The following TSNARE1 variants were observed in gnomAD, a reference collection of about 807,000 sequenced individuals.
TSNARE1 encodes the protein t-SNARE domain containing 1.
A neutral mutation model predicts 62.0 loss-of-function variants in TSNARE1; 49 were observed. That is an observed-to-expected ratio of 0.79 (90% CI 0.63 to 1.00). The LOEUF is 1.00. TSNARE1 is among the 50% of genes least tolerant of loss of function. The pLI is 0.00. For synonymous variants in TSNARE1, 328 were observed against 294.4 expected (o/e 1.11, Z -1.17); for missense variants, 755 against 700.1 (o/e 1.08, Z -0.88).
At chr8:142,360,627 GC>G (rs1186467332) in intron 1 of TSNARE1, among the ~76,000 whole-genome samples, 2 of 151,746 alleles carry the variant, frequency 1.3e-5, no homozygotes, top group African/African-American at 2.4e-5. Flanking sequence ...CAGGGCCCCC[GC>G]CCCCCACCAG....
intron 10 of TSNARE1, among the ~76,000 whole-genome samples, chr8:142,294,906 T>A (rs1016892079): frequency 1.3e-5 from 2 of 152,088 alleles, no homozygotes; most frequent in South Asian, 2.1e-4. Flanking sequence ...TTCTCCCCCA[T>A]CCAGACAGAG....
intron 6 of TSNARE1, among the ~76,000 whole-genome samples, chr8:142,324,792 C>T (rs1387667906): frequency 3.9e-5 from 6 of 152,234 alleles, no homozygotes; most frequent in South Asian, 2.1e-4. Flanking sequence ...CCAGGTGACA[C>T]ACTCGCCCTG....
intron 12 of TSNARE1, among the ~76,000 whole-genome samples, chr8:142,272,198 A>G (rs555993748): frequency 1.3e-5 from 2 of 151,798 alleles, no homozygotes; most frequent in South Asian, 4.2e-4. Flanking sequence ...CTGTCTGTCC[A>G]TCCACCCAGC....
intron 13 of TSNARE1, among the ~76,000 whole-genome samples, chr8:142,222,930 A>AC (rs1424660613): frequency 1.3e-5 from 2 of 151,084 alleles, no homozygotes; most frequent in East Asian, 2.0e-4. Flanking sequence ...TCATTCACTC[A>AC]TCCACTCATT....
intron 1 of TSNARE1, among the ~76,000 whole-genome samples, chr8:142,357,978 A>T (rs1834878827): frequency 6.7e-6 from 1 of 148,656 alleles, no homozygotes; most frequent in Non-Finnish European, 1.5e-5. Flanking sequence ...TTTCAGGACA[A>T]GGGGAGCAGC....
At chr8:142,316,062 C>T (rs1317956936) in intron 7 of TSNARE1, among the ~76,000 whole-genome samples, 1 of 152,244 alleles carries the variant, frequency 6.6e-6, no homozygotes, top group Non-Finnish European at 1.5e-5. Flanking sequence ...AACCCTCCAC[C>T]ATGTGGGGCC....
At chr8:142,364,108 C>T (rs993063996) in intron 1 of TSNARE1, among the ~76,000 whole-genome samples, 1 of 152,204 alleles carries the variant, frequency 6.6e-6, no homozygotes. Flanking sequence ...AGGTACCTGG[C>T]GCCCCATGGC....
At chr8:142,252,036 C>T (rs1435987157) in intron 12 of TSNARE1, among the ~76,000 whole-genome samples, 10 of 138,046 alleles carry the variant, frequency 7.2e-5, no homozygotes, top group East Asian at 6.5e-4. Context: ...ACCATGTACC[C>T]GCCGCCCACG....
rs923827780 is a variant in TSNARE1 at position 142,239,541 on chromosome 8, A to G, written c.1447-9962T>C. ...CAAATACAAGATTGAAATAAAGTGT[A>G]GAAGAAGTTTTAAAAATAGAGTAAG... On this transcript the variant is annotated intron_variant, in intron 12 of 13. Coordinates refer to ENST00000524325, the MANE Select transcript of TSNARE1 (RefSeq NM_145003.5). 3.9e-5 allele frequency among the ~76,000 whole-genome samples: 6 copies of G among 152,254 alleles called. No homozygotes were observed. The South Asian group carries it at 1.2e-3, about 32-fold the overall frequency.
intron 12 of TSNARE1, among the ~76,000 whole-genome samples, chr8:142,267,921 C>T (rs1819225902): frequency 6.6e-6 from 1 of 152,226 alleles, no homozygotes; most frequent in Admixed American, 6.5e-5. Flanking sequence ...CACACGCTTG[C>T]TAAGAGCATT....
At chr8:142,402,665 G>C (rs1838383271) in intron 1 of TSNARE1, 2 of 152,492 alleles carry the variant, frequency 1.3e-5, no homozygotes, top group Non-Finnish European at 2.9e-5. Flanking sequence ...GCTCGAAGGC[G>C]GGCTCCGCTC....
At chr8:142,306,803 C>T (rs561763440) in intron 9 of TSNARE1, among the ~76,000 whole-genome samples, 3 of 152,300 alleles carry the variant, frequency 2.0e-5, no homozygotes, top group Admixed American at 6.5e-5. Flanking sequence ...CTGGCCACTC[C>T]CCACCTTTTT....
At chr8:142,252,528 G>A (rs1818225909) in intron 12 of TSNARE1, among the ~76,000 whole-genome samples, 1 of 152,240 alleles carries the variant, frequency 6.6e-6, no homozygotes, top group African/African-American at 2.4e-5. Context: ...CGCCCCAGCA[G>A]GAGCTACCTG....
intron 1 of TSNARE1, among the ~76,000 whole-genome samples, chr8:142,394,468 G>A (rs542675270): frequency 6.6e-6 from 1 of 152,106 alleles, no homozygotes; most frequent in African/African-American, 2.4e-5. Flanking sequence ...GTAAAGGGAG[G>A]GACGATGATG....
chr8:142,321,073 C>T (rs928512894), intron 6 of TSNARE1, among the ~76,000 whole-genome samples: 3 of 152,152 alleles, frequency 2.0e-5, no homozygotes, highest in African/African-American at 7.2e-5. Context: ...ATCAGATCAC[C>T]CTGCCAAGTC....
intron 12 of TSNARE1, among the ~76,000 whole-genome samples, chr8:142,240,998 G>A (rs983467936): frequency 6.6e-6 from 1 of 152,190 alleles, no homozygotes; most frequent in African/African-American, 2.4e-5. Context: ...ACTCAACACA[G>A]CACTGAAAGT....
intron 12 of TSNARE1, among the ~76,000 whole-genome samples, chr8:142,254,942 C>T (rs755812680): frequency 6.6e-6 from 1 of 152,178 alleles, no homozygotes; most frequent in Non-Finnish European, 1.5e-5. Flanking sequence ...CCAACAGGTC[C>T]TGGACACTCA....
chr8:142,246,403 C>A lies in TSNARE1; in HGVS notation c.1447-16824G>T, dbSNP rs1180001134. Among the ~76,000 whole-genome samples the A allele has an allele frequency of 3.9e-5, 6 of 152,238 alleles. No individual in the cohort carries two copies. The East Asian group carries it at 9.6e-4, about 24-fold the overall frequency. On this transcript the variant is annotated intron_variant, in intron 12 of 13. Transcript: ENST00000524325. ...GCTGCTGGCTGTCCCTGCCCCCCAC[C>A]ATCCAGCCTGCCCCCATCTGAGGAG...
At chr8:142,216,454 G>A (rs909917901) in intron 13 of TSNARE1, among the ~76,000 whole-genome samples, 6 of 152,174 alleles carry the variant, frequency 3.9e-5, no homozygotes, top group African/African-American at 7.2e-5. Flanking sequence ...CCACACGCTC[G>A]GGGGCCCAAG....
Sources: allele counts gnomAD v4.1 joint callset (sites outside exome capture counted in the v4.1 genomes callset), GRCh38; gene constraint gnomAD v4.1.1; transcripts MANE v1.5; gene names NCBI Gene and HGNC (gene_info 2026-07-23, HGNC 2026-07-21).